The following TRPM3 variants were observed in gnomAD, a reference collection of about 807,000 sequenced individuals.
The protein encoded by TRPM3 is transient receptor potential cation channel subfamily M member 3, also known as long transient receptor potential channel 3.
Under a neutral mutation model 181.2 loss-of-function variants are expected in TRPM3, and 77 were observed. That is an observed-to-expected ratio of 0.42 (90% CI 0.35 to 0.51). The LOEUF is 0.51. Ranked by LOEUF, TRPM3 falls within the 20% of genes least tolerant of loss-of-function variation. TRPM3 has a pLI of 0.01. For missense variants in TRPM3, 1,759 were observed against 2,196.7 expected (o/e 0.80, Z 3.98); for synonymous variants, 745 against 796.4 (o/e 0.94, Z 1.09).
chr9:71,445,629 T>C (rs2094193497), intron 1 of TRPM3, among the ~76,000 whole-genome samples: 1 of 152,246 alleles, frequency 6.6e-6, no homozygotes, highest in Admixed American at 6.5e-5. Flanking sequence ...AGGGATTAAT[T>C]TTTATCCTTC....
At chr9:71,230,750 C>T (rs1238627106) in intron 1 of TRPM3, among the ~76,000 whole-genome samples, 1 of 152,132 alleles carries the variant, frequency 6.6e-6, no homozygotes. Context: ...TGCACAGGCT[C>T]CATGACAATG....
At chr9:71,063,999 A>T (rs1565110739) in intron 1 of TRPM3, among the ~76,000 whole-genome samples, 1 of 152,140 alleles carries the variant, frequency 6.6e-6, no homozygotes, top group Non-Finnish European at 1.5e-5. Context: ...CAAGAAATGT[A>T]TATGATAGGC....
intron 1 of TRPM3, among the ~76,000 whole-genome samples, chr9:71,333,480 C>A (rs777612231): frequency 1.3e-5 from 2 of 152,022 alleles, no homozygotes; most frequent in Non-Finnish European, 2.9e-5. Flanking sequence ...AGCTAGCACA[C>A]TATCTGGCTC....
chr9:70,975,510 C>G (rs1329999832), intron 1 of TRPM3, among the ~76,000 whole-genome samples: 2 of 152,150 alleles, frequency 1.3e-5, no homozygotes, highest in Non-Finnish European at 2.9e-5. Flanking sequence ...GTACAGTTAC[C>G]TAACACTCTG....
chr9:70,667,159 C>T (rs1590015790), intron 9 of TRPM3, among the ~76,000 whole-genome samples: 1 of 151,476 alleles, frequency 6.6e-6, no homozygotes, highest in Admixed American at 6.6e-5. Context: ...GTTTGGCAAT[C>T]CTTGGTTAAC....
intron 1 of TRPM3, among the ~76,000 whole-genome samples, chr9:71,406,173 A>G (rs1235750949): frequency 1.3e-5 from 2 of 152,186 alleles, no homozygotes; most frequent in African/African-American, 4.8e-5. Context: ...AAGCCTATCT[A>G]TTTTGCTTAC....
chr9:71,390,681 A>G (rs2093041672), intron 1 of TRPM3, among the ~76,000 whole-genome samples: 1 of 151,996 alleles, frequency 6.6e-6, no homozygotes, highest in African/African-American at 2.4e-5. Flanking sequence ...ATTGATTCTC[A>G]AGTACTCATT....
At chr9:71,188,501 C>T (rs543622695) in intron 1 of TRPM3, among the ~76,000 whole-genome samples, 1 of 151,922 alleles carries the variant, frequency 6.6e-6, no homozygotes, top group African/African-American at 2.4e-5. Flanking sequence ...GATGCTACCA[C>T]ATGGTATTTA....
intron 11 of TRPM3, among the ~76,000 whole-genome samples, chr9:70,636,250 G>A (rs1210472558): frequency 6.6e-6 from 1 of 150,942 alleles, no homozygotes; most frequent in Non-Finnish European, 1.5e-5. Flanking sequence ...ATAGAATATA[G>A]CATTTTTCTT....
chr9:71,019,503 A>T (rs940124086), intron 1 of TRPM3, among the ~76,000 whole-genome samples: 1 of 152,104 alleles, frequency 6.6e-6, no homozygotes, highest in African/African-American at 2.4e-5. Flanking sequence ...AAATCTTTAA[A>T]TGCCTAATAA....
At chr9:71,266,032 T>C (rs915409084) in intron 1 of TRPM3, among the ~76,000 whole-genome samples, 2 of 152,204 alleles carry the variant, frequency 1.3e-5, no homozygotes, top group African/African-American at 4.8e-5. Context: ...CAGGTGTCTG[T>C]CTCCAGTTCC....
intron 1 of TRPM3, among the ~76,000 whole-genome samples, chr9:70,890,953 C>T (rs965156737): frequency 4.0e-5 from 6 of 151,510 alleles, no homozygotes; most frequent in Non-Finnish European, 7.4e-5. Context: ...AACACAAACA[C>T]AACTAACCTA....
At chr9:70,950,818 C>A (rs1251286399) in intron 1 of TRPM3, among the ~76,000 whole-genome samples, 4 of 151,996 alleles carry the variant, frequency 2.6e-5, no homozygotes, top group Non-Finnish European at 1.5e-5. Context: ...ATTTGTTTTT[C>A]AATTATTTAG....
intron 1 of TRPM3, among the ~76,000 whole-genome samples, chr9:71,068,290 C>A (rs1467605052): frequency 6.6e-6 from 1 of 152,204 alleles, no homozygotes; most frequent in East Asian, 1.9e-4. Flanking sequence ...TTCAACAGAA[C>A]TTATTTATAT....
intron 5 of TRPM3, among the ~76,000 whole-genome samples, chr9:70,838,380 C>A (rs1460773186): frequency 6.6e-6 from 1 of 152,142 alleles, no homozygotes. Flanking sequence ...TAGGGCCTTA[C>A]AAAAGGGACC....
chr9:70,936,586 C>T (rs1260927315), intron 1 of TRPM3, among the ~76,000 whole-genome samples: 1 of 152,200 alleles, frequency 6.6e-6, no homozygotes, highest in Non-Finnish European at 1.5e-5. Flanking sequence ...GGTTTGATCA[C>T]TACCAGTTTG....
Position 70,681,983 on chromosome 9 carries a change from C to T in TRPM3, c.1273-405G>A, listed in dbSNP as rs561578195. Among the ~76,000 whole-genome samples, 25 of 152,270 alleles carry T rather than the reference C, an allele frequency of 1.6e-4. No homozygotes were observed. The Middle Eastern group carries it at 0.014, about 83-fold the overall frequency. On this transcript the variant is annotated intron_variant, in intron 8 of 25. Transcript: ENST00000677713. Reference sequence around the variant, plus strand: ...TATGAAAGGCCTCTCCCTTCCACCTCCCACCACGTGAGGACACAGCTAGAA... The same window carrying T: ...TATGAAAGGCCTCTCCCTTCCACCTTCCACCACGTGAGGACACAGCTAGAA...
chr9:70,579,066 G>A (rs536745906), intron 22 of TRPM3: 1 of 152,370 alleles, frequency 6.6e-6, no homozygotes, highest in Admixed American at 6.5e-5. Flanking sequence ...GTGATCATAA[G>A]TAAGCATGTT....
chr9:70,573,991 C>CACAT (rs1170133843), intron 22 of TRPM3, among the ~76,000 whole-genome samples: 2 of 149,820 alleles, frequency 1.3e-5, no homozygotes, highest in African/African-American at 4.9e-5. Flanking sequence ...CACACACACA[C>CACAT]ACACACACAC....
Sources: gnomAD v4.1 joint callset for allele counts (sites outside exome capture counted in the v4.1 genomes callset) on GRCh38, gnomAD v4.1.1 for gene constraint, MANE v1.5 for transcripts, NCBI Gene and HGNC (gene_info 2026-07-23, HGNC 2026-07-21) for gene names.